CCSER1: variants seen among roughly 807,000 people sequenced by gnomAD.
The protein encoded by CCSER1 is coiled-coil serine rich protein 1.
In CCSER1, 41 loss-of-function variants were observed where a neutral mutation model predicts 82.0. The observed-to-expected ratio is 0.50, with a 90% CI of 0.39 to 0.65. CCSER1 has a LOEUF of 0.65. Among genes scored for constraint, CCSER1 ranks in the 30% least tolerant of loss-of-function variants. The probability of loss-of-function intolerance (pLI) is 0.00; values close to 1 mark genes in which losing one functional copy is unlikely to be tolerated. For missense variants in CCSER1, 1,119 were observed against 1,064.2 expected (o/e 1.05, Z -0.72); for synonymous variants, 414 against 383.9 (o/e 1.08, Z -0.92).
Position 91,593,467 on chromosome 4 carries a change from C to CTTT in CCSER1, c.2218-5081_2218-5079dup, listed in dbSNP as rs753973015. Among the ~76,000 whole-genome samples, 350 of 55,034 alleles carry CTTT rather than the reference C, an allele frequency of 6.4e-3. 79 individuals are homozygous for CTTT. Among genetic ancestry groups the CTTT allele is most frequent in the African/African-American group, 7.1e-3 (97 of 13,626 alleles). 36.1% of individuals were successfully genotyped at this position (55,034 alleles called of 152,430 possible). The stretch of plus-strand genomic sequence containing the variant: ...TAACTGTCTTGTTTTCAACCCCGTG[C>CTTT]TTTTTTTTTTTTTTTTTTTTTTTTT... On this transcript the variant is annotated intron_variant, in intron 10 of 10. Transcript: ENST00000509176.
chr4:90,918,693 A>T (rs1378823247), intron 8 of CCSER1, among the ~76,000 whole-genome samples: 1 of 151,624 alleles, frequency 6.6e-6, no homozygotes, highest in Non-Finnish European at 1.5e-5. Flanking sequence ...AAAAATTAGG[A>T]CCCAGCCTTT....
chr4:91,209,312 A>G (rs1420914440), intron 10 of CCSER1, among the ~76,000 whole-genome samples: 1 of 151,736 alleles, frequency 6.6e-6, no homozygotes, highest in Non-Finnish European at 1.5e-5. Context: ...GGATTCTTTC[A>G]GCCTTTTTCT....
chr4:90,421,666 T>C (rs956020305), intron 4 of CCSER1, among the ~76,000 whole-genome samples: 1 of 152,176 alleles, frequency 6.6e-6, no homozygotes, highest in African/African-American at 2.4e-5. Context: ...CTTATATCTA[T>C]GTAGTCTTTT....
At position 91,150,740 on chromosome 4, in the gene CCSER1, G is replaced by C. The variant is rs1351480535; in HGVS notation, c.2217+64746G>C. On this transcript the variant is annotated intron_variant, in intron 10 of 10. Coordinates refer to ENST00000509176, the MANE Select transcript of CCSER1 (RefSeq NM_001145065.2). ...GCCTTTTCTGCATCATGTGGTTTTT[G>C]TCTTTGGTTCTGTTTATATGATGGA... 3.9e-5 allele frequency among the ~76,000 whole-genome samples: 6 copies of C among 151,950 alleles called. 1 individual carries two copies. The highest frequency in any genetic ancestry group is 2.0e-4 in the Admixed American group (3 of 15,236).
intron 9 of CCSER1, chr4:91,017,195 C>T (rs1203391821): frequency 6.6e-6 from 1 of 152,194 alleles, no homozygotes; most frequent in Non-Finnish European, 1.5e-5. Context: ...TACCTCCTAA[C>T]TCTTCCCCTC....
intron 4 of CCSER1, among the ~76,000 whole-genome samples, chr4:90,409,397 A>G (rs1471996152): frequency 2.0e-5 from 3 of 152,246 alleles, no homozygotes; most frequent in African/African-American, 7.2e-5. Flanking sequence ...CGGGTTACCC[A>G]CAAAGGGAAG....
chr4:90,932,990 A>AAGAAAGAAAGAAAGAAAGAGAG (rs1730266440), intron 9 of CCSER1, among the ~76,000 whole-genome samples: 1 of 48,488 alleles, frequency 2.1e-5, no homozygotes, highest in Non-Finnish European at 3.9e-5. Flanking sequence ...AAGAGAAAGA[A>AAGAAAGAAAGAAAGAAAGAGAG]AGAAAGAAAG....
chr4:91,205,034 A>G (rs1423365498), intron 10 of CCSER1, among the ~76,000 whole-genome samples: 2 of 151,800 alleles, frequency 1.3e-5, no homozygotes, highest in Non-Finnish European at 1.5e-5. Context: ...ATAAATTAAA[A>G]CAATAGTTAT....
chr4:91,214,738 C>T (rs1018853926), intron 10 of CCSER1, among the ~76,000 whole-genome samples: 4 of 152,104 alleles, frequency 2.6e-5, no homozygotes, highest in African/African-American at 9.7e-5. Context: ...GAAAATGAGA[C>T]ATTTCTTCAC....
At chr4:90,828,023 G>C (rs1027517519) in intron 8 of CCSER1, among the ~76,000 whole-genome samples, 13 of 152,286 alleles carry the variant, frequency 8.5e-5, no homozygotes, top group African/African-American at 3.1e-4. Flanking sequence ...AAGTTGGTCT[G>C]TGTGTGGTGC....
intron 10 of CCSER1, among the ~76,000 whole-genome samples, chr4:91,508,593 A>G (rs1444018561): frequency 1.4e-5 from 2 of 148,102 alleles, no homozygotes; most frequent in Non-Finnish European, 3.0e-5. Flanking sequence ...TCTTTGGTTT[A>G]GGTATCAGTG....
At chr4:90,367,094 C>T (rs1444218276) in intron 3 of CCSER1, among the ~76,000 whole-genome samples, 1 of 151,430 alleles carries the variant, frequency 6.6e-6, no homozygotes, top group African/African-American at 2.4e-5. Flanking sequence ...TTAATAAAAC[C>T]AAAGAGAGAT....
chr4:91,077,370 TA>T (rs1722112680), intron 9 of CCSER1, among the ~76,000 whole-genome samples: 1 of 152,072 alleles, frequency 6.6e-6, no homozygotes, highest in South Asian at 2.1e-4. Context: ...AATGTAACAC[TA>T]AATAAAATAA....
rs555707357 is a variant in CCSER1, at chr4:91,544,929, G to A, written c.2218-53643G>A. On this transcript the variant is annotated intron_variant, in intron 10 of 10. Transcript: ENST00000509176. ...AGTTGGAGTCTACAGAGGCAGGCAG[G>A]CCTCCTTGAGATGCGGTGGGCTCCA... is the stretch of plus-strand genomic sequence containing the variant. 7.9e-5 allele frequency among the ~76,000 whole-genome samples: 12 copies of A among 152,240 alleles called. No individual in the cohort carries two copies. In the East Asian group the frequency reaches 1.7e-3, roughly 22 times the overall value.
chr4:90,186,900 G>C (rs1734719196), intron 1 of CCSER1, among the ~76,000 whole-genome samples: 1 of 151,798 alleles, frequency 6.6e-6, no homozygotes, highest in East Asian at 1.9e-4. Flanking sequence ...CTAATAAAGT[G>C]TACAAGTTGA....
Position 90,326,120 on chromosome 4 carries a change from G to C in CCSER1, c.1509+13073G>C, listed in dbSNP as rs181461824. 3.3e-4 allele frequency among the ~76,000 whole-genome samples: 48 copies of C among 145,434 alleles called. 1 individual carries two copies. The highest frequency in any genetic ancestry group is 1.1e-3 in the African/African-American group (45 of 39,388). ...TTCACCCAGGCTGGAGTGCAGTGGC[G>C]CAATCTCGGCTCACTGCAAGCTCCG... On this transcript the variant is annotated intron_variant, in intron 3 of 10. Coordinates refer to ENST00000509176, the MANE Select transcript of CCSER1 (RefSeq NM_001145065.2).
chr4:90,502,113 A>G (rs559718537), intron 5 of CCSER1, among the ~76,000 whole-genome samples: 1 of 152,276 alleles, frequency 6.6e-6, no homozygotes, highest in East Asian at 1.9e-4. Flanking sequence ...TGAATACATC[A>G]ATTCTCACAC....
intron 10 of CCSER1, among the ~76,000 whole-genome samples, chr4:91,295,748 A>T (rs1744108310): frequency 6.6e-6 from 1 of 151,888 alleles, no homozygotes; most frequent in Admixed American, 6.6e-5. Context: ...GTGGCTCATG[A>T]TGATAGCACA....
intron 1 of CCSER1, among the ~76,000 whole-genome samples, chr4:90,241,312 C>T (rs1746790329): frequency 6.6e-6 from 1 of 151,972 alleles, no homozygotes; most frequent in African/African-American, 2.4e-5. Context: ...GAATGAGTTG[C>T]CAACTATTAT....
Sources: allele counts gnomAD v4.1 joint callset (sites outside exome capture counted in the v4.1 genomes callset), GRCh38; gene constraint gnomAD v4.1.1; transcripts MANE v1.5; gene names NCBI Gene and HGNC (gene_info 2026-07-23, HGNC 2026-07-21).